NDOR1: variants seen among roughly 807,000 people sequenced by gnomAD.
NDOR1 encodes NADPH dependent diflavin oxidoreductase 1, also known as NADPH-dependent diflavin oxidoreductase 1.
In NDOR1, 61 loss-of-function variants were observed where a neutral mutation model predicts 67.2. The ratio of observed to expected loss-of-function variants is 0.91; its 90% CI spans 0.74 to 1.12. NDOR1 has a LOEUF of 1.12. Among genes scored for constraint, NDOR1 ranks in the 50% most tolerant of loss-of-function variants. NDOR1 has a pLI of 0.00. For missense variants in NDOR1, 878 were observed against 802.8 expected (o/e 1.09, Z -1.13); for synonymous variants, 378 against 343.7 (o/e 1.10, Z -1.10).
rs200360060 is a variant in NDOR1 at position 137,214,373 on chromosome 9, G to T, written c.682G>T (p.Val228Phe). 1.7e-4 allele frequency: 271 copies of T among 1,614,034 alleles called. No individual in the cohort carries two copies. The highest frequency in any genetic ancestry group is 2.2e-4 in the Non-Finnish European group (261 of 1,180,038). ...CACCGGCCCCTCCCACTTCCAGGAC[G>T]TTCGGCTGATTGAGTTTGACATCTT... ...RVTGPSHFQDVRLIEFDILGS... is the reference protein window; with the variant it reads ...RVTGPSHFQDFRLIEFDILGS... Residue 228 changes from valine to phenylalanine, a missense_variant, in exon 6 of 14, where the codon GTT (valine) becomes TTT (phenylalanine). Coordinates refer to ENST00000684003, the MANE Select transcript of NDOR1 (RefSeq NM_014434.4).
rs1420246950 is a variant in NDOR1, at chr9:137,218,395, C to T, written c.*1979C>T. The T allele has an allele frequency of 1.0e-5, 4 of 398,232 alleles. No individual in the cohort carries two copies. Among genetic ancestry groups the T allele is most frequent in the Non-Finnish European group, 1.3e-5 (3 of 226,070 alleles). 24.7% of individuals were successfully genotyped at this position (398,232 alleles called of 1,614,324 possible). A position where few individuals can be genotyped will look rare whatever the true frequency, so the allele number is the denominator to read the frequency against. On this transcript the variant is annotated 3_prime_UTR_variant, in exon 14 of 14. Transcript: ENST00000684003. ...ACCAGCTGCGCTTCCTGGCAGGGCC[C>T]GTGGGCGGCCGGGGCTGCCTGCCCT...
In NDOR1 at chr9:137,218,931, C is replaced by T. The variant is rs1466454343; in HGVS notation, c.*2515C>T. On this transcript the variant is annotated 3_prime_UTR_variant, in exon 14 of 14. Transcript: ENST00000684003. ...CATTCACCCTGCGGCAGACGGGCAC[C>T]GTACTGGCCACGGGCTGACGCCGGC... 1.3e-5 allele frequency: 4 copies of T among 297,178 alleles called. No individual in the cohort carries two copies. Among genetic ancestry groups the T allele is most frequent in the East Asian group, 1.1e-4 (2 of 18,434 alleles). The allele number at this position is 297,178 out of a possible 1,614,324, so 18.4% of individuals were successfully genotyped here.
Position 137,212,077 on chromosome 9 carries a change from C to T in NDOR1, c.214-425C>T, listed in dbSNP as rs1835287950. Among the ~76,000 whole-genome samples, 1 of 152,124 alleles carries T rather than the reference C, an allele frequency of 6.6e-6. No homozygotes were observed. Among genetic ancestry groups the T allele is most frequent in the Non-Finnish European group, 1.5e-5 (1 of 68,006 alleles). The stretch of plus-strand genomic sequence containing the variant: ...TGAGTATAGGAGCCTCTGGGACAGA[C>T]CAACTCAGGGAGTGGAGGCCCACGC... On this transcript the variant is annotated intron_variant, in intron 2 of 13. Coordinates refer to ENST00000684003, the MANE Select transcript of NDOR1 (RefSeq NM_014434.4). The surrounding 1 kb of genome is among the most constrained non-coding windows in gnomAD (Gnocchi z 4.3).
At chr9:137,211,439 CTT>C (rs1390148321) in intron 2 of NDOR1, among the ~76,000 whole-genome samples, 1 of 152,134 alleles carries the variant, frequency 6.6e-6, no homozygotes, top group Non-Finnish European at 1.5e-5. Context: ...GGGGCCCTGG[CTT>C]TTCAGTGGTG....
At position 137,216,268 on chromosome 9, in the gene NDOR1, C is replaced by T. The variant is rs748433908; in HGVS notation, c.1650-4C>T. ...ATTGCGCCTTCTGCGACCTGCCCCT[C>T]TAGCAACGCCAAGTCCATGCCAGCG... On this transcript the variant is annotated splice_region_variant and splice_polypyrimidine_tract_variant and intron_variant, in intron 13 of 13. Coordinates refer to ENST00000684003, the MANE Select transcript of NDOR1 (RefSeq NM_014434.4). 3.1e-6 allele frequency: 5 copies of T among 1,613,060 alleles called. No homozygotes were observed. In the African/African-American group the frequency reaches 5.3e-5, roughly 17 times the overall value.
rs755880698 is a variant in NDOR1 at position 137,205,931 on chromosome 9, C to G, written c.135+19C>G. Reference sequence around the variant, plus strand: ...CCCGGTGGTGAGGGCTCGCTAGGGCCTCGGCGTGGGGGACGAGCAGGCCTG... The same window carrying G: ...CCCGGTGGTGAGGGCTCGCTAGGGCGTCGGCGTGGGGGACGAGCAGGCCTG... On this transcript the variant is annotated intron_variant, in intron 1 of 13. Coordinates refer to ENST00000684003, the MANE Select transcript of NDOR1 (RefSeq NM_014434.4). 7 of 1,570,436 alleles carry G rather than the reference C, an allele frequency of 4.5e-6. No homozygotes were observed. The highest frequency in any genetic ancestry group is 1.1e-5 in the South Asian group (1 of 88,644).
intron 9 of NDOR1, 24 bp from the exon 10 acceptor site, chr9:137,215,383 C>T: frequency 1.9e-6 from 3 of 1,546,372 alleles, no homozygotes; most frequent in Non-Finnish European, 2.7e-6. Flanking sequence ...TGTTCCACCA[C>T]CCCCACCCCG....
At chr9:137,206,451 G>A in intron 2 of NDOR1, 142 bp downstream of exon 2, 1 of 841,768 alleles carries the variant, frequency 1.2e-6, no homozygotes, top group Non-Finnish European at 2.0e-6. Flanking sequence ...GTCCGTGAGT[G>A]GGGCTGGGGG....
At chr9:137,213,658 C>A in intron 3 of NDOR1, 122 bp from the exon 4 acceptor site, 2 of 994,876 alleles carry the variant, frequency 2.0e-6, no homozygotes, top group Non-Finnish European at 3.0e-6. Flanking sequence ...TGTTTTCCAC[C>A]CGAGGGAGGC....
Position 137,214,666 on chromosome 9 carries a change from C to T in NDOR1, c.819C>T (p.Leu273=). The change falls in exon 7 of 14, where the codon CTC becomes CTT. Residue 273 remains leucine, a synonymous_variant. Coordinates refer to ENST00000684003, the MANE Select transcript of NDOR1 (RefSeq NM_014434.4). ...CQVLGLDPDQ[L]FMLQPREPDV... is the part of the protein sequence containing the mutation. ...TGCTGGGCCTGGACCCTGACCAGCT[C>T]TTCATGCTGCAGCCGCGGGAGCCAG... 1.2e-6 allele frequency: 2 copies of T among 1,606,022 alleles called. No individual in the cohort carries two copies. The highest frequency in any genetic ancestry group is 1.7e-6 in the Non-Finnish European group (2 of 1,179,900).
chr9:137,206,026 A>T, intron 1 of NDOR1, 114 bp downstream of exon 1: 2 of 1,484,654 alleles, frequency 1.3e-6, no homozygotes, highest in African/African-American at 1.4e-5. Context: ...TCTTTCCCTT[A>T]TGGCGGATTT....
At chr9:137,208,963 C>A (rs989930424) in intron 2 of NDOR1, among the ~76,000 whole-genome samples, 1 of 152,144 alleles carries the variant, frequency 6.6e-6, no homozygotes, top group African/African-American at 2.4e-5. Context: ...TCACTGCAAG[C>A]ACTGCCTCCC....
chr9:137,218,555 C>T lies in NDOR1; in HGVS notation c.*2139C>T, dbSNP rs751901968. ...GCTGCTGCTGGTCTTCACGCCGCTC[C>T]TGCTGCTGGGACTGCTCTTCGTGCT... On this transcript the variant is annotated 3_prime_UTR_variant, in exon 14 of 14. Coordinates refer to ENST00000684003, the MANE Select transcript of NDOR1 (RefSeq NM_014434.4). The T allele has an allele frequency of 7.5e-6, 3 of 399,794 alleles. No individual in the cohort carries two copies. The highest frequency in any genetic ancestry group is 2.1e-5 in the African/African-American group (1 of 48,664). 24.8% of individuals were successfully genotyped at this position (399,794 alleles called of 1,614,324 possible).
Position 137,215,996 on chromosome 9 carries a change from C to G in NDOR1, c.1533C>G (p.Ile511Met). The change falls in exon 12 of 14, where the codon ATC becomes ATG. Residue 511 changes from isoleucine to methionine, a missense_variant. Transcript: ENST00000684003. ...AGAAGCGGGACTGTCTGACCCTCAT[C>G]CCTGCCTTCTCCCGGGAACAGGTGT... ...ELEKRDCLTL[I>M]PAFSREQEQK... 1 of 1,613,442 alleles carries G rather than the reference C, an allele frequency of 6.2e-7. No individual in the cohort carries two copies. Among genetic ancestry groups the G allele is most frequent in the Non-Finnish European group, 8.5e-7 (1 of 1,180,002 alleles).
At position 137,215,489 on chromosome 9, in the gene NDOR1, C is replaced by T. The variant is rs777987621; in HGVS notation, c.1256C>T (p.Ser419Phe). ...AAGGAGCCCCGCCGGGGCCTCTGCT[C>T]CTCCTGGCTGGCATCCCTGGACCCT... ...RLKEPRRGLC[S>F]SWLASLDPGQ... The change falls in exon 10 of 14, where the codon TCC becomes TTC. Residue 419 changes from serine (S) to phenylalanine (F), a missense_variant. Transcript: ENST00000684003. 3.1e-6 allele frequency: 5 copies of T among 1,613,380 alleles called. No individual in the cohort carries two copies. Among genetic ancestry groups the T allele is most frequent in the African/African-American group, 1.3e-5 (1 of 74,952 alleles).
In NDOR1 at chr9:137,215,394, C is replaced by T; in HGVS notation, c.1174-13C>T. 1.2e-6 allele frequency: 2 copies of T among 1,604,898 alleles called. No homozygotes were observed. The highest frequency in any genetic ancestry group is 1.7e-6 in the Non-Finnish European group (2 of 1,172,482). On this transcript the variant is annotated splice_polypyrimidine_tract_variant and intron_variant, in intron 9 of 13. Transcript: ENST00000684003. ...GCCTTGTTCCACCACCCCCACCCCG[C>T]CGTCCTCCCCAGACTCACCCCTCAC...
In NDOR1 at chr9:137,214,011, G is replaced by T. The variant is rs935362954; in HGVS notation, c.455G>T (p.Arg152Met). ...VDPWLRDLWD[R>M]VLGLYPPPPG... ...CCCTGGCTGCGAGACTTGTGGGACA[G>T]GGTTCTGGGGCTGTACCCGCCGCCT... The change falls in exon 5 of 14, where the codon AGG (arginine) becomes ATG (methionine). Residue 152 changes from arginine to methionine, a missense_variant. Physicochemically the swap from Arg to Met is moderately conservative, Grantham distance 91 (BLOSUM62 -1). Transcript: ENST00000684003. 2 of 1,551,840 alleles carry T rather than the reference G, an allele frequency of 1.3e-6. No individual in the cohort carries two copies. Among genetic ancestry groups the T allele is most frequent in the Non-Finnish European group, 1.7e-6 (2 of 1,149,984 alleles).
rs933016780 is a variant in NDOR1, at chr9:137,218,094, C to T, written c.*1678C>T. 9 of 398,918 alleles carry T rather than the reference C, an allele frequency of 2.3e-5. No individual in the cohort carries two copies. In the East Asian group the frequency reaches 3.2e-4, roughly 14 times the overall value. 24.7% of individuals were successfully genotyped at this position (398,918 alleles called of 1,614,324 possible). ...GAGGAGTGCCCGATCTGCACAGAGC[C>T]CTACGGGCCCAGAGAGCGCCGCCTG... On this transcript the variant is annotated 3_prime_UTR_variant, in exon 14 of 14. Coordinates refer to ENST00000684003, the MANE Select transcript of NDOR1 (RefSeq NM_014434.4).
In NDOR1 at chr9:137,213,908, A is replaced by G. The variant is rs765897437; in HGVS notation, c.410+30A>G. 4.4e-6 allele frequency: 7 copies of G among 1,599,410 alleles called. No individual in the cohort carries two copies. The South Asian group carries it at 4.5e-5, about 10-fold the overall frequency. On this transcript the variant is annotated intron_variant, in intron 4 of 13. Coordinates refer to ENST00000684003, the MANE Select transcript of NDOR1 (RefSeq NM_014434.4). ...GTCTGCGGGCGTGGTACCCGCCTCC[A>G]CAGTCTGGTCTGGCCACACGCAGGG...
Sources: gnomAD v4.1 joint callset for allele counts (sites outside exome capture counted in the v4.1 genomes callset) on GRCh38, gnomAD v4.1.1 for gene constraint, Gnocchi (gnomAD v3.1) non-coding constraint, MANE v1.5 for transcripts, NCBI Gene and HGNC (gene_info 2026-07-23, HGNC 2026-07-21) for gene names.